Variants in CCDC91 observed in about 807,000 individuals in gnomAD.
CCDC91 encodes coiled-coil domain containing 91.
A neutral mutation model predicts 63.2 loss-of-function variants in CCDC91; 48 were observed. The ratio of observed to expected loss-of-function variants is 0.76; its 90% confidence interval spans 0.60 to 0.97. The LOEUF (loss-of-function observed/expected upper bound fraction) is 0.97, where lower values mean the gene tolerates loss of function less well. CCDC91 is among the 50% of genes least tolerant of loss of function. The pLI, the probability that CCDC91 is intolerant of heterozygous loss-of-function variation, is 0.00. For missense variants in CCDC91, 500 were observed against 494.6 expected (o/e 1.01, Z -0.10); for synonymous variants, 167 against 165.8 (o/e 1.01, Z -0.06).
At chr12:28,262,115 A>T (rs2136223675) in intron 3 of CCDC91, among the ~76,000 whole-genome samples, 1 of 152,152 alleles carries the variant, frequency 6.6e-6, no homozygotes, top group Non-Finnish European at 1.5e-5. Context: ...TACGTAGCTA[A>T]CAATGTAATC....
intron 6 of CCDC91, among the ~76,000 whole-genome samples, chr12:28,316,402 C>T (rs1371744550): frequency 2.0e-5 from 3 of 151,560 alleles, no homozygotes; most frequent in African/African-American, 4.8e-5. Context: ...TTTCTAAAAT[C>T]TCTCATCATT....
intron 3 of CCDC91, among the ~76,000 whole-genome samples, chr12:28,291,886 T>C (rs1038208460): frequency 3.3e-5 from 5 of 152,174 alleles, no homozygotes; most frequent in Admixed American, 2.0e-4. Context: ...TGATGATTGC[T>C]CTCAATTGGT....
chr12:28,191,425 C>G (rs1443567215), intron 1 of CCDC91: 2 of 152,264 alleles, frequency 1.3e-5, no homozygotes, highest in Non-Finnish European at 2.9e-5. Context: ...GTCTTGGCCA[C>G]AATTTTAGGT....
intron 8 of CCDC91, among the ~76,000 whole-genome samples, chr12:28,445,330 C>T (rs1949443245): frequency 6.6e-6 from 1 of 152,020 alleles, no homozygotes; most frequent in African/African-American, 2.4e-5. Flanking sequence ...CACAAAAAAC[C>T]CCAGATCAGT....
chr12:28,496,891 T>C (rs1356527851), intron 12 of CCDC91, among the ~76,000 whole-genome samples: 3 of 147,536 alleles, frequency 2.0e-5, no homozygotes, highest in Non-Finnish European at 4.5e-5. Context: ...TATATGTAGA[T>C]ATAAGGTATA....
At chr12:28,316,117 T>A (rs1194181533) in intron 6 of CCDC91, among the ~76,000 whole-genome samples, 1 of 151,950 alleles carries the variant, frequency 6.6e-6, no homozygotes, top group Non-Finnish European at 1.5e-5. Flanking sequence ...CCTCTAGGTT[T>A]ACAATATGTC....
chr12:28,378,092 C>T (rs1448388498), intron 7 of CCDC91, among the ~76,000 whole-genome samples: 2 of 151,934 alleles, frequency 1.3e-5, no homozygotes, highest in African/African-American at 4.8e-5. Context: ...ATTTCTGCTA[C>T]TTACAGTGAA....
chr12:28,338,519 T>C (rs2137902987), intron 6 of CCDC91, among the ~76,000 whole-genome samples: 1 of 152,206 alleles, frequency 6.6e-6, no homozygotes, highest in East Asian at 1.9e-4. Context: ...GTTTGGGTGC[T>C]GGAAGGGGTA....
chr12:28,386,901 T>A (rs958142971), intron 7 of CCDC91, among the ~76,000 whole-genome samples: 1 of 152,194 alleles, frequency 6.6e-6, no homozygotes, highest in East Asian at 1.9e-4. Flanking sequence ...GTGTTTAGAA[T>A]AGTTGAAAAT....
chr12:28,248,872 A>C (rs1434146442), intron 1 of CCDC91, among the ~76,000 whole-genome samples: 1 of 152,134 alleles, frequency 6.6e-6, no homozygotes, highest in African/African-American at 2.4e-5. Flanking sequence ...AGTTAAGAGG[A>C]AACAATTGAG....
intron 1 of CCDC91, among the ~76,000 whole-genome samples, chr12:28,195,620 TC>T (rs1430497448): frequency 6.6e-6 from 1 of 152,172 alleles, no homozygotes; most frequent in African/African-American, 2.4e-5. Context: ...AAAGCCTGAG[TC>T]CTCCAACTTT....
intron 3 of CCDC91, among the ~76,000 whole-genome samples, chr12:28,269,525 C>T (rs1198090997): frequency 6.6e-6 from 1 of 151,998 alleles, no homozygotes; most frequent in Non-Finnish European, 1.5e-5. Context: ...TTCCTGCATC[C>T]ACTCTCAGTG....
chr12:28,256,112 A>T (rs1946423519), intron 1 of CCDC91: 1 of 152,120 alleles, frequency 6.6e-6, no homozygotes, highest in Non-Finnish European at 1.5e-5. Context: ...TTTAATTTAA[A>T]ACATTGCTTT....
At chr12:28,257,344 A>G (rs1294196423) in intron 2 of CCDC91, 99 bp downstream of exon 2, 2 of 710,506 alleles carry the variant, frequency 2.8e-6, no homozygotes, top group East Asian at 2.7e-5. Flanking sequence ...CATTCATGAT[A>G]TTTCCTTGAT....
At chr12:28,213,095 G>A (rs1252073557) in intron 1 of CCDC91, among the ~76,000 whole-genome samples, 8 of 152,162 alleles carry the variant, frequency 5.3e-5, no homozygotes, top group Non-Finnish European at 8.8e-5. Context: ...AGTCTTCTTT[G>A]CCAGTTGAAG....
chr12:28,205,660 G>A (rs1942791365), intron 1 of CCDC91, among the ~76,000 whole-genome samples: 1 of 152,160 alleles, frequency 6.6e-6, no homozygotes, highest in Non-Finnish European at 1.5e-5. Flanking sequence ...ATTTGGATTG[G>A]TTCCCTTATT....
chr12:28,511,808 G>A (rs936712119), intron 12 of CCDC91, among the ~76,000 whole-genome samples: 15 of 151,800 alleles, frequency 9.9e-5, no homozygotes, highest in African/African-American at 2.9e-4. Context: ...CATTTTATGC[G>A]GCTGGCAGGC....
intron 3 of CCDC91, among the ~76,000 whole-genome samples, chr12:28,260,393 A>C (rs772856021): frequency 2.6e-5 from 4 of 151,958 alleles, no homozygotes; most frequent in Non-Finnish European, 5.9e-5. Context: ...GAGAAAGATA[A>C]ATGGAACAAA....
chr12:28,515,947 T>A (rs969170840), intron 12 of CCDC91, among the ~76,000 whole-genome samples: 1 of 151,916 alleles, frequency 6.6e-6, no homozygotes, highest in Non-Finnish European at 1.5e-5. Context: ...ATAAAGAACA[T>A]ATATTACAAA....
Sources: gnomAD v4.1 joint callset for allele counts (sites outside exome capture counted in the v4.1 genomes callset) on GRCh38, gnomAD v4.1.1 for gene constraint, MANE v1.5 for transcripts, NCBI Gene and HGNC (gene_info 2026-07-23, HGNC 2026-07-21) for gene names.